The following GRIA4 variants were observed in gnomAD, a reference collection of about 807,000 sequenced individuals.
GRIA4 encodes the protein glutamate ionotropic receptor AMPA type subunit 4.
A neutral mutation model predicts 104.0 loss-of-function variants in GRIA4; 34 were observed. The observed-to-expected ratio is 0.33, with a 90% CI of 0.25 to 0.44. The LOEUF (loss-of-function observed/expected upper bound fraction) is 0.44. Ranked by LOEUF, GRIA4 falls within the 20% of genes least tolerant of loss-of-function variation. GRIA4 has a pLI of 1.00. For missense variants in GRIA4, 750 were observed against 1,096.5 expected, an observed-to-expected ratio of 0.68 and a Z score of 4.46; for synonymous variants, 386 against 381.9, an observed-to-expected ratio of 1.01 and a Z score of -0.13.
chr11:105,873,326 T>C (rs1160326679), intron 5 of GRIA4, among the ~76,000 whole-genome samples: 1 of 152,242 alleles, frequency 6.6e-6, no homozygotes, highest in African/African-American at 2.4e-5. Context: ...CTACCATTGA[T>C]GGGCATTTGT....
intron 14 of GRIA4, among the ~76,000 whole-genome samples, chr11:105,970,118 A>G (rs539759262): frequency 1.1e-4 from 16 of 152,274 alleles, no homozygotes; most frequent in Middle Eastern, 3.4e-3. Flanking sequence ...CTTTTAGTAG[A>G]AAGTATTAAA....
In GRIA4 at chr11:105,806,338, A is replaced by G. The variant is rs1485556618; in HGVS notation, c.487+53118A>G. 3.3e-5 allele frequency among the ~76,000 whole-genome samples: 5 copies of G among 151,918 alleles called. No homozygotes were observed. The South Asian group carries it at 1.0e-3, about 31-fold the overall frequency. The stretch of plus-strand genomic sequence containing the variant: ...AGGAAGCTGATGGCTAGATCAGAAC[A>G]GAGAGATAGAACAAAGGAGAACAAA... On this transcript the variant is annotated intron_variant, in intron 4 of 16. Transcript: ENST00000282499.
intron 4 of GRIA4, among the ~76,000 whole-genome samples, chr11:105,861,421 C>T (rs1377779666): frequency 6.6e-6 from 1 of 152,082 alleles, no homozygotes; most frequent in African/African-American, 2.4e-5. Context: ...CAGTGCCTCA[C>T]CTAGTGGTTA....
At chr11:105,809,519 T>A (rs893901767) in intron 4 of GRIA4, among the ~76,000 whole-genome samples, 28 of 152,128 alleles carry the variant, frequency 1.8e-4, no homozygotes, top group Admixed American at 6.6e-5. Flanking sequence ...GGACTTGTAA[T>A]CCCCACGTGT....
At chr11:105,877,326 T>C (rs1406971252) in intron 5 of GRIA4, among the ~76,000 whole-genome samples, 1 of 152,220 alleles carries the variant, frequency 6.6e-6, no homozygotes, top group Non-Finnish European at 1.5e-5. Context: ...CCTTTCTCTC[T>C]GGCTGCCCTT....
chr11:105,969,495 A>C (rs986801648), intron 14 of GRIA4, among the ~76,000 whole-genome samples: 10 of 152,200 alleles, frequency 6.6e-5, no homozygotes, highest in Non-Finnish European at 2.9e-5. Flanking sequence ...TAAAGAGGCC[A>C]GAGGGAAAAA....
chr11:105,895,252 CGTGTGTGT>C (rs59472131), intron 6 of GRIA4, among the ~76,000 whole-genome samples: 13 of 148,756 alleles, frequency 8.7e-5, no homozygotes, highest in African/African-American at 3.0e-4. Flanking sequence ...CGAGCTCATG[CGTGTGTGT>C]GTGTGTGTGT....
At chr11:105,824,886 T>C (rs1943710265) in intron 4 of GRIA4, 1 of 152,228 alleles carries the variant, frequency 6.6e-6, no homozygotes, top group Middle Eastern at 3.4e-3. Flanking sequence ...ACGGCCAGTA[T>C]AATGATGCCT....
chr11:105,950,114 C>G (rs992336493), intron 14 of GRIA4, among the ~76,000 whole-genome samples: 1 of 152,076 alleles, frequency 6.6e-6, no homozygotes, highest in African/African-American at 2.4e-5. Flanking sequence ...AGAATAATAT[C>G]TTGGAGGCAA....
chr11:105,664,126 G>A lies in GRIA4; in HGVS notation c.247+51692G>A, dbSNP rs187403608. Among the ~76,000 whole-genome samples the A allele has an allele frequency of 4.7e-3, 689 of 147,466 alleles. 4 individuals are homozygous for A. Among genetic ancestry groups the A allele is most frequent in the Non-Finnish European group, 7.3e-3 (487 of 67,010 alleles). On this transcript the variant is annotated intron_variant, in intron 3 of 16. Transcript: ENST00000282499. ...AGTATGTGTGATGTTGTTGAGGGAT[G>A]CCGTGAAGAATATAACACAGCCAAG...
intron 3 of GRIA4, among the ~76,000 whole-genome samples, chr11:105,665,405 A>C (rs1372425268): frequency 1.3e-5 from 2 of 152,010 alleles, no homozygotes; most frequent in African/African-American, 2.4e-5. Flanking sequence ...ACAAAGTGAC[A>C]GCAAAAATTT....
At chr11:105,784,969 C>A (rs1053338252) in intron 4 of GRIA4, among the ~76,000 whole-genome samples, 4 of 152,136 alleles carry the variant, frequency 2.6e-5, no homozygotes, top group Admixed American at 1.3e-4. Flanking sequence ...TTCCAAATAC[C>A]AGGGTTTGGG....
At chr11:105,765,025 A>T (rs1295194719) in intron 4 of GRIA4, among the ~76,000 whole-genome samples, 11 of 152,186 alleles carry the variant, frequency 7.2e-5, no homozygotes, top group Admixed American at 7.2e-4. Flanking sequence ...CCAGAAGTAC[A>T]TGACCAAATT....
intron 3 of GRIA4, among the ~76,000 whole-genome samples, chr11:105,687,333 G>A (rs542833177): frequency 6.6e-6 from 1 of 152,232 alleles, no homozygotes; most frequent in South Asian, 2.1e-4. Context: ...AGGATAACAA[G>A]TGTACGTCAA....
At chr11:105,728,424 T>G (rs1938363057) in intron 3 of GRIA4, among the ~76,000 whole-genome samples, 2 of 152,168 alleles carry the variant, frequency 1.3e-5, no homozygotes, top group African/African-American at 4.8e-5. Flanking sequence ...AACACCCCAC[T>G]GTCAATATTA....
chr11:105,684,165 C>T (rs1003099737), intron 3 of GRIA4, among the ~76,000 whole-genome samples: 4 of 152,180 alleles, frequency 2.6e-5, no homozygotes, highest in Admixed American at 6.5e-5. Flanking sequence ...TGAGCCACTG[C>T]GCCGGGCCAA....
At chr11:105,860,140 T>C (rs1055735063) in intron 4 of GRIA4, among the ~76,000 whole-genome samples, 2 of 152,150 alleles carry the variant, frequency 1.3e-5, no homozygotes, top group African/African-American at 2.4e-5. Context: ...TTCTTCCTCT[T>C]CGGGGAATTT....
At chr11:105,964,136 T>TTCCTACATTTCAATCTGG (rs1948804196) in intron 14 of GRIA4, among the ~76,000 whole-genome samples, 1 of 152,198 alleles carries the variant, frequency 6.6e-6, no homozygotes, top group South Asian at 2.1e-4. Context: ...TCTATCTTCA[T>TTCCTACATTTCAATCTGG]TCCTACATTT....
rs181207457 is a variant in GRIA4, at chr11:105,961,240, G to C, written c.2295-10674G>C. On this transcript the variant is annotated intron_variant, in intron 14 of 16. Transcript: ENST00000282499. Reference sequence around the variant, plus strand: ...CATTAGTTTTACTCCAAATAAGGCAGAATTATTTTTATATGATTTTAGTTT... The same window carrying C: ...CATTAGTTTTACTCCAAATAAGGCACAATTATTTTTATATGATTTTAGTTT... 6.1e-3 allele frequency among the ~76,000 whole-genome samples: 923 copies of C among 152,264 alleles called. 4 individuals carry two copies. Among genetic ancestry groups the C allele is most frequent in the Admixed American group, 8.1e-3 (124 of 15,308 alleles).
Sources: gnomAD v4.1 joint callset for allele counts (sites outside exome capture counted in the v4.1 genomes callset) on GRCh38, gnomAD v4.1.1 for gene constraint, MANE v1.5 for transcripts, NCBI Gene and HGNC (gene_info 2026-07-23, HGNC 2026-07-21) for gene names.